CUX1: variants seen among roughly 807,000 people sequenced by gnomAD.
The protein encoded by CUX1 is cut like homeobox 1, also known as protein CASP.
In CUX1, 31 loss-of-function variants were observed where a neutral mutation model predicts 158.8. That is an observed-to-expected ratio of 0.20 (90% confidence interval 0.15 to 0.26). The LOEUF (loss-of-function observed/expected upper bound fraction) is 0.26. Among genes scored for constraint, CUX1 ranks in the 10% least tolerant of loss-of-function variants. The probability of loss-of-function intolerance (pLI) is 1.00; values close to 1 mark genes in which losing one functional copy is unlikely to be tolerated. For missense variants in CUX1, 1,589 were observed against 2,014.6 expected, an observed-to-expected ratio of 0.79 and a Z score of 4.04; for synonymous variants, 879 against 862.1, an observed-to-expected ratio of 1.02 and a Z score of -0.34.
chr7:101,908,096 G>A (rs1160090780), intron 1 of CUX1, among the ~76,000 whole-genome samples: 1 of 152,116 alleles, frequency 6.6e-6, no homozygotes, highest in Non-Finnish European at 1.5e-5. Flanking sequence ...TCCCTCCCTG[G>A]TATGGATACT....
chr7:101,841,461 T>A lies in CUX1; in HGVS notation c.30+23792T>A, dbSNP rs186519047. ...GGTCTTGTTAATCTTGCCTTTTTTT[T>A]ATGTGGCTTATTTCTCACCATTATT... On this transcript the variant is annotated intron_variant, in intron 1 of 23. Coordinates refer to ENST00000292535, the MANE Select transcript of CUX1 (RefSeq NM_181552.4). Among the ~76,000 whole-genome samples, 835 of 152,188 alleles carry A rather than the reference T, an allele frequency of 5.5e-3. 2 individuals are homozygous for A. Among genetic ancestry groups the A allele is most frequent in the Middle Eastern group, 0.02 (6 of 294 alleles).
At chr7:102,266,820 G>C (rs1457912599) in intron 14 of CUX1, among the ~76,000 whole-genome samples, 1 of 152,170 alleles carries the variant, frequency 6.6e-6, no homozygotes, top group Non-Finnish European at 1.5e-5. Flanking sequence ...CAGCGTGAGG[G>C]GTGGCAGAGT....
chr7:102,202,287 C>T, intron 18 of CUX1, 83 bp downstream of exon 18: 1 of 1,502,088 alleles, frequency 6.7e-7, no homozygotes, highest in Non-Finnish European at 8.9e-7. Flanking sequence ...AGCCTGTGAC[C>T]CTCACCCATT....
chr7:101,832,363 C>T (rs185182081), intron 1 of CUX1, among the ~76,000 whole-genome samples: 1 of 152,234 alleles, frequency 6.6e-6, no homozygotes, highest in African/African-American at 2.4e-5. Context: ...AGGGAACAGC[C>T]TGTGGAGGGT....
chr7:101,877,243 C>T (rs1317640320), intron 1 of CUX1, among the ~76,000 whole-genome samples: 1 of 152,220 alleles, frequency 6.6e-6, no homozygotes, highest in Non-Finnish European at 1.5e-5. Flanking sequence ...TCCTATCTGC[C>T]TACCTCCCCA....
intron 21 of CUX1, among the ~76,000 whole-genome samples, chr7:102,229,107 A>T (rs1292353270): frequency 6.6e-6 from 1 of 152,068 alleles, no homozygotes; most frequent in Non-Finnish European, 1.5e-5. Context: ...AGCCATCTCC[A>T]TTTCACAGCC....
intron 11 of CUX1, among the ~76,000 whole-genome samples, chr7:102,182,811 C>A (rs529447647): frequency 6.6e-6 from 1 of 152,256 alleles, no homozygotes; most frequent in East Asian, 1.9e-4. Flanking sequence ...ACTGTACTTG[C>A]TACAGCACAG....
At chr7:102,008,092 T>A (rs1817587286) in intron 2 of CUX1, among the ~76,000 whole-genome samples, 1 of 152,186 alleles carries the variant, frequency 6.6e-6, no homozygotes, top group African/African-American at 2.4e-5. Context: ...ATCTCCAGGC[T>A]TTCCCCTCTG....
At chr7:101,935,334 ACT>A (rs1274644342) in intron 2 of CUX1, among the ~76,000 whole-genome samples, 21 of 151,820 alleles carry the variant, frequency 1.4e-4, no homozygotes, top group East Asian at 3.9e-4. Flanking sequence ...CCCTTCGCTG[ACT>A]CTCTTTTCAG....
intron 1 of CUX1, among the ~76,000 whole-genome samples, chr7:101,890,208 A>G (rs574225385): frequency 6.6e-6 from 1 of 152,296 alleles, no homozygotes; most frequent in East Asian, 1.9e-4. Flanking sequence ...GGAGCCCTGA[A>G]GCCGGCAGTG....
chr7:102,007,090 C>T (rs1252981699), intron 2 of CUX1, among the ~76,000 whole-genome samples: 2 of 152,182 alleles, frequency 1.3e-5, no homozygotes, highest in Non-Finnish European at 2.9e-5. Flanking sequence ...CTAGATGCCC[C>T]GAGGTCTTCA....
chr7:101,916,162 A>C lies in CUX1; in HGVS notation c.78A>C (p.Glu26Asp). Residue 26 changes from glutamate (E) to aspartate (D), a missense_variant, in exon 2 of 24, where the codon GAA (glutamate) becomes GAC (aspartate). By Grantham distance (45) the Glu-to-Asp change is conservative (BLOSUM62 2). Around this residue, in one of 8 missense-constraint regions of CUX1, gnomAD observed 63 missense variants for 109.2 expected, o/e 0.58. Transcript: ENST00000292535. The surrounding 1 kb of genome is among the most constrained non-coding windows in gnomAD (Gnocchi z 4.4). ...TATVLANRQD[E>D]SEQSRKRLIE... ...CGGTATTGGCGAACCGGCAGGATGA[A>C]AGTGAGCAGTCCAGAAAGCGGCTTA... is the stretch of plus-strand genomic sequence containing the variant. 1 of 1,613,984 alleles carries C rather than the reference A, an allele frequency of 6.2e-7. No homozygotes were observed. Among genetic ancestry groups the C allele is most frequent in the Non-Finnish European group, 8.5e-7 (1 of 1,179,940 alleles).
intron 2 of CUX1, among the ~76,000 whole-genome samples, chr7:101,953,991 G>T (rs1809442060): frequency 6.6e-6 from 1 of 152,074 alleles, no homozygotes; most frequent in Admixed American, 6.6e-5. Context: ...TAACCCTCTG[G>T]TCTGGGTAAC....
At chr7:102,141,850 A>G (rs1474372176) in intron 8 of CUX1, among the ~76,000 whole-genome samples, 1 of 134,680 alleles carries the variant, frequency 7.4e-6, no homozygotes, top group Non-Finnish European at 1.5e-5. Context: ...CATGTTGGTC[A>G]GGCTGGTCTT....
intron 4 of CUX1, among the ~76,000 whole-genome samples, chr7:102,094,957 G>A (rs1463605864): frequency 1.3e-5 from 2 of 151,578 alleles, no homozygotes; most frequent in Non-Finnish European, 2.9e-5. Context: ...GTTTTTTTGT[G>A]TTATCACGAC....
chr7:102,074,787 C>T (rs1348731032), intron 4 of CUX1, among the ~76,000 whole-genome samples: 1 of 152,232 alleles, frequency 6.6e-6, no homozygotes, highest in Non-Finnish European at 1.5e-5. Flanking sequence ...ATGTGTCCGG[C>T]AGAAGCCGTC....
At chr7:101,952,462 G>A (rs534753048) in intron 2 of CUX1, among the ~76,000 whole-genome samples, 2 of 152,180 alleles carry the variant, frequency 1.3e-5, no homozygotes, top group Non-Finnish European at 1.5e-5. Context: ...AGGCCCAGCC[G>A]CCTGTGCCTT....
rs139599607 is a variant in CUX1, at chr7:102,245,818, A to G, written c.3888-2594A>G. 2.5e-3 allele frequency among the ~76,000 whole-genome samples: 386 copies of G among 152,102 alleles called. 2 individuals carry two copies. Among genetic ancestry groups the G allele is most frequent in the African/African-American group, 8.9e-3 (370 of 41,482 alleles). On this transcript the variant is annotated intron_variant, in intron 23 of 23. Transcript: ENST00000292535. ...GAAACCCCGTCTCTATTAAAATACA[A>G]AAAATTAGCCAGTTGTCGTGGCACG...
At chr7:102,205,262 G>A in intron 20 of CUX1, 92 bp downstream of exon 20, 2 of 936,986 alleles carry the variant, frequency 2.1e-6, no homozygotes, top group East Asian at 2.4e-5. Flanking sequence ...AGACTCCGAG[G>A]GACCGCACAT....
Sources: gnomAD v4.1 joint callset for allele counts (sites outside exome capture counted in the v4.1 genomes callset) on GRCh38, gnomAD v4.1.1 for gene constraint, gnomAD v4.1.1 regional missense constraint, Gnocchi (gnomAD v3.1) non-coding constraint, MANE v1.5 for transcripts, NCBI Gene and HGNC (gene_info 2026-07-23, HGNC 2026-07-21) for gene names.